The following ADAM18 variants were observed in gnomAD, a reference collection of about 807,000 sequenced individuals.
ADAM18 encodes the protein disintegrin and metalloproteinase domain-containing protein 18.
A neutral mutation model predicts 94.4 loss-of-function variants in ADAM18; 117 were observed. The observed-to-expected ratio is 1.24, with a 90% CI of 1.07 to 1.45. The LOEUF is 1.45. Among genes scored for constraint, ADAM18 ranks in the 40% most tolerant of loss-of-function variants. ADAM18 has a pLI of 0.00. For synonymous variants in ADAM18, 327 were observed against 291.6 expected (o/e 1.12, Z -1.24); for missense variants, 936 against 880.0 (o/e 1.06, Z -0.81).
intron 4 of ADAM18, 145 bp from the exon 5 acceptor site, chr8:39,609,340 A>G (rs1469639968): frequency 4.3e-6 from 3 of 699,820 alleles, no homozygotes; most frequent in East Asian, 5.5e-5. Flanking sequence ...AATTGTCACA[A>G]ATCTTTTTTT....
At chr8:39,656,793 C>T (rs1820696874) in intron 12 of ADAM18, among the ~76,000 whole-genome samples, 1 of 152,132 alleles carries the variant, frequency 6.6e-6, no homozygotes, top group African/African-American at 2.4e-5. Context: ...AGTGGATTTA[C>T]TAATCGCTAA....
At chr8:39,680,792 T>C (rs188044376) in intron 16 of ADAM18, among the ~76,000 whole-genome samples, 30 of 152,324 alleles carry the variant, frequency 2.0e-4, no homozygotes, top group Admixed American at 1.7e-3. Context: ...GGGCACATGT[T>C]CCAGAAAACA....
At chr8:39,650,707 T>A (rs975109540) in intron 12 of ADAM18, among the ~76,000 whole-genome samples, 25 of 152,326 alleles carry the variant, frequency 1.6e-4, no homozygotes, top group Non-Finnish European at 3.2e-4. Context: ...ATATCTATAG[T>A]GGCTAAAGTG....
At chr8:39,664,078 G>A (rs987896521) in intron 13 of ADAM18, among the ~76,000 whole-genome samples, 188 bp downstream of exon 13, 10 of 152,162 alleles carry the variant, frequency 6.6e-5, no homozygotes, top group Non-Finnish European at 1.0e-4. Context: ...AGACAGGTAC[G>A]GTTGCAGTTA....
intron 3 of ADAM18, among the ~76,000 whole-genome samples, chr8:39,607,670 C>G (rs910441410): frequency 1.3e-5 from 2 of 152,056 alleles, no homozygotes; most frequent in Non-Finnish European, 2.9e-5. Context: ...CAGACTCCTG[C>G]TCCTGATTTT....
chr8:39,711,714 C>G (rs1021025197), intron 18 of ADAM18, among the ~76,000 whole-genome samples: 57 of 151,498 alleles, frequency 3.8e-4, no homozygotes, highest in African/African-American at 1.3e-3. Flanking sequence ...AATCTGAGGA[C>G]CAGAAAGCAA....
In ADAM18 at chr8:39,654,153, C is replaced by CTTTTTTTTTTTTTTTTT. The variant is rs1563292600; in HGVS notation, c.1230+5626_1230+5627insTTTTTTTTTTTTTTTTT. 4.2e-5 allele frequency among the ~76,000 whole-genome samples: 5 copies of CTTTTTTTTTTTTTTTTT among 118,770 alleles called. 2 individuals are homozygous for CTTTTTTTTTTTTTTTTT. The highest frequency in any genetic ancestry group is 3.6e-5 in the Non-Finnish European group (2 of 56,282). The allele number at this position is 118,770 out of a possible 152,430, so 77.9% of individuals were successfully genotyped here. A position where few individuals can be genotyped will look rare whatever the true frequency, so the allele number is the denominator to read the frequency against. ...TTGCTGCCACTGACAGGATTTCATT[C>CTTTTTTTTTTTTTTTTT]CTTTTTTTTTTTTTTTTTTTTGGAG... On this transcript the variant is annotated intron_variant, in intron 12 of 19. Coordinates refer to ENST00000265707, the MANE Select transcript of ADAM18 (RefSeq NM_014237.3).
At chr8:39,675,989 A>G (rs1821290629) in intron 14 of ADAM18, among the ~76,000 whole-genome samples, 2 of 152,186 alleles carry the variant, frequency 1.3e-5, no homozygotes. Flanking sequence ...AGAACAGCAA[A>G]TATTGCTGCC....
At chr8:39,585,704 A>T (rs1411485309) in intron 2 of ADAM18, among the ~76,000 whole-genome samples, 1 of 152,258 alleles carries the variant, frequency 6.6e-6, no homozygotes, top group Non-Finnish European at 1.5e-5. Context: ...GAAATTTGTC[A>T]TAAGTAAAAT....
rs755513528 is a variant in ADAM18 at position 39,609,529 on chromosome 8, A to G, written c.312A>G (p.Ser104=). 9 of 1,611,410 alleles carry G rather than the reference A, an allele frequency of 5.6e-6. No individual in the cohort carries two copies. Among genetic ancestry groups the G allele is most frequent in the Non-Finnish European group, 7.6e-6 (9 of 1,178,284 alleles). ...GATATGCTGCCGAATTTCCAAATTC[A>G]TTTGTGACACTCAGTATATGTTCTG... ...YQGYAAEFPN[S]FVTLSICSGL... is the part of the protein sequence containing the mutation. Residue 104 remains serine, a synonymous_variant, in exon 5 of 20, where the codon TCA becomes TCG. Transcript: ENST00000265707.
chr8:39,699,237 G>A (rs1563311702), intron 17 of ADAM18, among the ~76,000 whole-genome samples: 1 of 152,032 alleles, frequency 6.6e-6, no homozygotes, highest in African/African-American at 2.4e-5. Flanking sequence ...TTTCAGGTTA[G>A]TAATTGCATG....
chr8:39,602,422 G>C (rs1249313195), intron 2 of ADAM18, among the ~76,000 whole-genome samples: 1 of 152,032 alleles, frequency 6.6e-6, no homozygotes, highest in Non-Finnish European at 1.5e-5. Context: ...TGATTTTATA[G>C]GTGACCATGT....
chr8:39,651,822 T>A (rs1315297047), intron 12 of ADAM18, among the ~76,000 whole-genome samples: 1 of 152,106 alleles, frequency 6.6e-6, no homozygotes, highest in Non-Finnish European at 1.5e-5. Context: ...AGAGCAAAGT[T>A]GGAGGCATCA....
intron 3 of ADAM18, among the ~76,000 whole-genome samples, 171 bp downstream of exon 3, chr8:39,606,533 T>C (rs566543571): frequency 1.3e-5 from 2 of 152,332 alleles, no homozygotes; most frequent in African/African-American, 4.8e-5. Context: ...ATCAGATCTA[T>C]AGAGCTCTTT....
chr8:39,725,418 C>G (rs1459997117), intron 19 of ADAM18, among the ~76,000 whole-genome samples: 1 of 152,104 alleles, frequency 6.6e-6, no homozygotes, highest in Non-Finnish European at 1.5e-5. Context: ...GCTATAGGTA[C>G]TGTGGTGTAT....
intron 5 of ADAM18, 76 bp from the exon 6 acceptor site, chr8:39,610,453 C>T (rs1372692388): frequency 1.4e-6 from 2 of 1,432,190 alleles, no homozygotes; most frequent in Admixed American, 2.6e-5. Context: ...TTTCTTATGC[C>T]ATTTCAGATT....
At chr8:39,656,084 A>AT (rs1367722865) in intron 12 of ADAM18, among the ~76,000 whole-genome samples, 1 of 152,100 alleles carries the variant, frequency 6.6e-6, no homozygotes, top group Non-Finnish European at 1.5e-5. Context: ...ATTCCAATTC[A>AT]TATGCTAGCA....
chr8:39,692,030 A>G (rs1188982709), intron 16 of ADAM18, among the ~76,000 whole-genome samples: 1 of 151,932 alleles, frequency 6.6e-6, no homozygotes, highest in Non-Finnish European at 1.5e-5. Context: ...AAAAAAATAG[A>G]AAAACATAAA....
chr8:39,637,553 A>C lies in ADAM18; in HGVS notation c.677A>C (p.Lys226Thr). 1 of 1,610,186 alleles carries C rather than the reference A, an allele frequency of 6.2e-7. No individual in the cohort carries two copies. ...TATTTTTAGATGTTTACCCAGTTCA[A>C]ATTGACTGTTATACTGTCTTCCTTG... ...GLVNTMFTQF[K>T]LTVILSSLEL... The change falls in exon 9 of 20, where the codon AAA becomes ACA. Residue 226 changes from lysine to threonine, a missense_variant. Physicochemically the swap from Lys to Thr is moderately conservative, Grantham distance 78. Transcript: ENST00000265707.
Sources: allele counts gnomAD v4.1 joint callset (sites outside exome capture counted in the v4.1 genomes callset), GRCh38; gene constraint gnomAD v4.1.1; transcripts MANE v1.5; gene names NCBI Gene and HGNC (gene_info 2026-07-23, HGNC 2026-07-21).